NFILZ: variants seen among roughly 807,000 people sequenced by gnomAD.
The protein encoded by NFILZ is NFIL3 like protein.
intron 3 of NFILZ, among the ~76,000 whole-genome samples, chr19:8,663,182 C>T (rs573584408): frequency 6.6e-6 from 1 of 151,506 alleles, no homozygotes; most frequent in African/African-American, 2.4e-5. Context: ...TGGTTTTGAA[C>T]TCCTGGCCCT....
Position 8,676,366 on chromosome 19 carries a change from C to T in NFILZ, c.-106C>T, listed in dbSNP as rs181164166. On this transcript the variant is annotated 5_prime_UTR_variant, in exon 5 of 6. Transcript: ENST00000691075. ...CATATTCTCTATTTCTAGGTTCAGT[C>T]ATCCTTCTGTCTCCCTCTGGGTTTC... 1.8e-3 allele frequency among the ~76,000 whole-genome samples: 280 copies of T among 152,310 alleles called. 1 individual carries two copies. The highest frequency in any genetic ancestry group is 3.0e-3 in the Non-Finnish European group (207 of 68,028).
At chr19:8,643,139 G>T (rs1337047196) in intron 3 of NFILZ, among the ~76,000 whole-genome samples, 5 of 151,912 alleles carry the variant, frequency 3.3e-5, no homozygotes, top group Admixed American at 3.3e-4. Context: ...TTGAAGAAAT[G>T]GGGTCTCCCT....
At chr19:8,649,616 G>A (rs1434708812) in intron 3 of NFILZ, among the ~76,000 whole-genome samples, 1 of 151,958 alleles carries the variant, frequency 6.6e-6, no homozygotes, top group East Asian at 1.9e-4. Context: ...CTGTCTTGCC[G>A]GCTCTGCTGT....
chr19:8,643,090 T>C (rs2042925889), intron 3 of NFILZ, among the ~76,000 whole-genome samples: 1 of 151,642 alleles, frequency 6.6e-6, no homozygotes, highest in South Asian at 2.1e-4. Flanking sequence ...GTTGGACCCA[T>C]AGGCATGCAC....
At chr19:8,633,666 C>T (rs990509110) in intron 2 of NFILZ, among the ~76,000 whole-genome samples, 2 of 152,112 alleles carry the variant, frequency 1.3e-5, no homozygotes, top group African/African-American at 4.8e-5. Context: ...GGTTTCCTGC[C>T]TCCCTTCCTG....
chr19:8,654,331 A>T (rs10404218), intron 3 of NFILZ, among the ~76,000 whole-genome samples: 18 of 150,226 alleles, frequency 1.2e-4, no homozygotes, highest in African/African-American at 2.7e-4. Flanking sequence ...AAAAAAAAAA[A>T]TTATGGCTGG....
intron 3 of NFILZ, among the ~76,000 whole-genome samples, chr19:8,664,463 GAGGCTC>G (rs1462500157): frequency 6.6e-6 from 1 of 152,078 alleles, no homozygotes; most frequent in African/African-American, 2.4e-5. Flanking sequence ...CTCTTCCCCT[GAGGCTC>G]AGGAGGTGCC....
intron 3 of NFILZ, among the ~76,000 whole-genome samples, chr19:8,656,476 C>CT (rs1418745173): frequency 6.3e-5 from 3 of 47,824 alleles, no homozygotes; most frequent in East Asian, 1.7e-3. Flanking sequence ...AGCCCACCTT[C>CT]TCCCGCAGCC....
chr19:8,659,807 C>A (rs961888883), intron 3 of NFILZ, among the ~76,000 whole-genome samples: 4 of 152,074 alleles, frequency 2.6e-5, no homozygotes, highest in Non-Finnish European at 5.9e-5. Context: ...TTCCAGGAGC[C>A]CATGGTATAT....
intron 1 of NFILZ, among the ~76,000 whole-genome samples, chr19:8,631,090 G>C (rs1555745477): frequency 6.6e-6 from 1 of 152,148 alleles, no homozygotes; most frequent in African/African-American, 2.4e-5. Context: ...TAACTCCTTT[G>C]ATATTTTTTC....
At chr19:8,638,203 C>T (rs905686688) in intron 3 of NFILZ, among the ~76,000 whole-genome samples, 13 of 152,152 alleles carry the variant, frequency 8.5e-5, no homozygotes, top group Admixed American at 7.9e-4. Flanking sequence ...TGCCATTCCG[C>T]GGTAAACGCT....
At chr19:8,651,742 A>G (rs535043482) in intron 3 of NFILZ, among the ~76,000 whole-genome samples, 2 of 152,070 alleles carry the variant, frequency 1.3e-5, no homozygotes, top group African/African-American at 4.8e-5. Context: ...GATGTTTTCC[A>G]GGCTGGTCTT....
At chr19:8,652,946 C>CTCTT (rs1339181416) in intron 3 of NFILZ, among the ~76,000 whole-genome samples, 2 of 147,832 alleles carry the variant, frequency 1.4e-5, no homozygotes, top group Admixed American at 6.8e-5. Flanking sequence ...CTCTCTTTCT[C>CTCTT]TCTCTTTCTT....
At chr19:8,663,736 G>GTGTGTGTGTGTGTA (rs1600151874) in intron 3 of NFILZ, among the ~76,000 whole-genome samples, 2 of 136,036 alleles carry the variant, frequency 1.5e-5, no homozygotes, top group Non-Finnish European at 3.2e-5. Context: ...GTGTGTGTGT[G>GTGTGTGTGTGTGTA]TGTGTGTGTG....
chr19:8,669,957 G>T (rs2043079317), intron 3 of NFILZ, among the ~76,000 whole-genome samples: 1 of 152,176 alleles, frequency 6.6e-6, no homozygotes, highest in African/African-American at 2.4e-5. Context: ...ATCCCCAAAG[G>T]GTTCTAGGGT....
chr19:8,659,207 C>A (rs1437838130), intron 3 of NFILZ, among the ~76,000 whole-genome samples: 1 of 151,654 alleles, frequency 6.6e-6, no homozygotes, highest in Non-Finnish European at 1.5e-5. Flanking sequence ...GAGATCACAC[C>A]AGGGCACTCC....
chr19:8,664,449 C>A (rs916650424), intron 3 of NFILZ, among the ~76,000 whole-genome samples: 1 of 146,234 alleles, frequency 6.8e-6, no homozygotes, highest in Non-Finnish European at 1.5e-5. Flanking sequence ...CAACGGCTTC[C>A]GGTCTCTTCC....
At chr19:8,656,446 G>C (rs2043001061) in intron 3 of NFILZ, among the ~76,000 whole-genome samples, 4 of 13,902 alleles carry the variant, frequency 2.9e-4, no homozygotes, top group Non-Finnish European at 7.7e-4. Flanking sequence ...CCTTCTCCTC[G>C]AAGCCCACCT....
At position 8,679,237 on chromosome 19, in the gene NFILZ, C is replaced by T. The variant is rs750679816; in HGVS notation, c.*1602C>T. Among the ~76,000 whole-genome samples the T allele has an allele frequency of 2.0e-5, 3 of 151,630 alleles. No homozygotes were observed. The highest frequency in any genetic ancestry group is 2.9e-5 in the Non-Finnish European group (2 of 67,974). The stretch of plus-strand genomic sequence containing the variant: ...GAGCCCAAGGACTTATCAAGGCTCC[C>T]TCCTCCTCAGTTTCTCACTCAGCCC... On this transcript the variant is annotated 3_prime_UTR_variant, in exon 6 of 6. Transcript: ENST00000691075.
Sources: gnomAD v4.1 joint callset for allele counts (sites outside exome capture counted in the v4.1 genomes callset) on GRCh38, gnomAD v4.1.1 for gene constraint, MANE v1.5 for transcripts, NCBI Gene and HGNC (gene_info 2026-07-23, HGNC 2026-07-21) for gene names.